TTLL11: variants seen among roughly 807,000 people sequenced by gnomAD.
The protein encoded by TTLL11 is tubulin polyglutamylase TTLL11.
TTLL11 carries 42 observed loss-of-function variants against 51.7 expected under a neutral mutation model. The observed-to-expected ratio is 0.81, with a 90% CI of 0.64 to 1.05. The LOEUF (loss-of-function observed/expected upper bound fraction) is 1.05, where lower values mean the gene tolerates loss of function less well. TTLL11 is among the 50% of genes least tolerant of loss of function. The probability of loss-of-function intolerance (pLI) is 0.00; values close to 1 mark genes in which losing one functional copy is unlikely to be tolerated. For synonymous variants in TTLL11, 381 were observed against 383.5 expected, an observed-to-expected ratio of 0.99 and a Z score of 0.08; for missense variants, 799 against 940.4, an observed-to-expected ratio of 0.85 and a Z score of 1.97.
At chr9:121,839,029 C>T (rs1837275243) in intron 8 of TTLL11, among the ~76,000 whole-genome samples, 1 of 152,232 alleles carries the variant, frequency 6.6e-6, no homozygotes, top group Non-Finnish European at 1.5e-5. Flanking sequence ...GGGCCGGTCC[C>T]TGGCCTCTGC....
At chr9:122,051,302 G>A (rs1048782888) in intron 1 of TTLL11, among the ~76,000 whole-genome samples, 1 of 152,180 alleles carries the variant, frequency 6.6e-6, no homozygotes, top group Non-Finnish European at 1.5e-5. Flanking sequence ...ATTCGACTAA[G>A]GGGGATGGAT....
At chr9:121,965,147 T>C (rs1158867819) in intron 6 of TTLL11, among the ~76,000 whole-genome samples, 12 of 152,348 alleles carry the variant, frequency 7.9e-5, no homozygotes, top group Non-Finnish European at 2.9e-5. Context: ...ATGTAAAATC[T>C]TCAAAGGTGC....
intron 6 of TTLL11, among the ~76,000 whole-genome samples, chr9:121,938,886 C>G (rs10985458): frequency 0.29 from 44,572 of 152,114 alleles, 6,944 homozygotes; most frequent in African/African-American, 0.4. Flanking sequence ...GGAGTAATTT[C>G]TCAGTATCCA....
intron 8 of TTLL11, among the ~76,000 whole-genome samples, chr9:121,841,381 T>A (rs985193920): frequency 6.6e-6 from 1 of 152,074 alleles, no homozygotes; most frequent in Non-Finnish European, 1.5e-5. Context: ...CCCATGAGAT[T>A]TTGGAAGGGA....
intron 8 of TTLL11, among the ~76,000 whole-genome samples, chr9:121,856,680 C>G (rs113678268): frequency 2.0e-5 from 3 of 152,132 alleles, no homozygotes; most frequent in Non-Finnish European, 4.4e-5. Flanking sequence ...GTTCTTTGAG[C>G]GTGAGAACCC....
chr9:121,856,390 C>T lies in TTLL11; in HGVS notation c.1840+3947G>A, dbSNP rs150501713. On this transcript the variant is annotated intron_variant, in intron 8 of 8. Coordinates refer to ENST00000321582, the MANE Select transcript of TTLL11 (RefSeq NM_001139442.2). ...TACTGGCCCCCACTGTAATACTTGA[C>T]GTGTCTGTGTAATTTCACCTCTTTG... Among the ~76,000 whole-genome samples the T allele has an allele frequency of 1.1e-3, 170 of 152,254 alleles. 1 individual carries two copies. Among genetic ancestry groups the T allele is most frequent in the African/African-American group, 3.6e-3 (151 of 41,538 alleles).
intron 6 of TTLL11, among the ~76,000 whole-genome samples, chr9:121,871,494 G>T (rs1004883014): frequency 6.6e-6 from 1 of 152,086 alleles, no homozygotes; most frequent in Non-Finnish European, 1.5e-5. Flanking sequence ...CTCCTCCTCA[G>T]CTAGTTCTGC....
At chr9:121,899,365 G>GTGTGTGTATA (rs1226221957) in intron 6 of TTLL11, among the ~76,000 whole-genome samples, 1 of 113,238 alleles carries the variant, frequency 8.8e-6, no homozygotes, top group African/African-American at 3.3e-5. Flanking sequence ...ATGTGTGTGT[G>GTGTGTGTATA]TATATATATA....
intron 3 of TTLL11, among the ~76,000 whole-genome samples, chr9:121,993,787 T>C (rs1843177477): frequency 6.6e-6 from 1 of 152,184 alleles, no homozygotes; most frequent in South Asian, 2.1e-4. Context: ...TTATTAGCAA[T>C]GAGGGGCAGG....
chr9:121,834,911 AGC>A (rs1837141853), intron 8 of TTLL11, among the ~76,000 whole-genome samples: 1 of 151,588 alleles, frequency 6.6e-6, no homozygotes, highest in Admixed American at 6.6e-5. Context: ...ACTGGCCTGG[AGC>A]GCTATCACAA....
intron 3 of TTLL11, among the ~76,000 whole-genome samples, chr9:121,993,503 C>G: frequency 6.6e-6 from 1 of 152,202 alleles, no homozygotes; most frequent in Non-Finnish European, 1.5e-5. Flanking sequence ...AGACTAAGGT[C>G]CCTGGCTTCC....
intron 3 of TTLL11, among the ~76,000 whole-genome samples, chr9:122,015,807 CAAAA>C (rs11297849): frequency 7.4e-5 from 7 of 94,504 alleles, no homozygotes; most frequent in Non-Finnish European, 1.6e-4. Context: ...TCAAAAGAGA[CAAAA>C]AAAAAAAAAA....
chr9:121,882,392 C>T (rs1051030293), intron 6 of TTLL11, among the ~76,000 whole-genome samples: 1 of 152,182 alleles, frequency 6.6e-6, no homozygotes, highest in African/African-American at 2.4e-5. Flanking sequence ...TGCCCACATA[C>T]TGTTCTCTCA....
intron 6 of TTLL11, among the ~76,000 whole-genome samples, chr9:121,876,126 A>G (rs1838554171): frequency 6.6e-6 from 1 of 152,210 alleles, no homozygotes; most frequent in South Asian, 2.1e-4. Flanking sequence ...AGCTCACCCA[A>G]TCAGTAGTGA....
rs1837713810 is a variant in TTLL11 at position 121,853,126 on chromosome 9, C to T, written c.1840+7211G>A. Among the ~76,000 whole-genome samples, 1 of 152,202 alleles carries T rather than the reference C, an allele frequency of 6.6e-6. No individual in the cohort carries two copies. Among genetic ancestry groups the T allele is most frequent in the Non-Finnish European group, 1.5e-5 (1 of 68,044 alleles). On this transcript the variant is annotated intron_variant, in intron 8 of 8. Coordinates refer to ENST00000321582, the MANE Select transcript of TTLL11 (RefSeq NM_001139442.2). This position sits in a 1 kb window ranked among gnomAD's most constrained non-coding sequence, Gnocchi z 5.6. ...CGCAGTCGGTGACTGAGGGATTTTG[C>T]TGAGAGATGGTCATGAGGCTCAGAC...
chr9:121,826,549 A>G (rs1450651227), intron 8 of TTLL11, among the ~76,000 whole-genome samples: 2,490 of 29,946 alleles, frequency 0.083, 208 homozygotes, highest in African/African-American at 0.18. Flanking sequence ...ATATATATAT[A>G]TGTGTGTGTA....
chr9:121,846,484 C>A (rs1837517677), intron 8 of TTLL11, among the ~76,000 whole-genome samples: 1 of 152,148 alleles, frequency 6.6e-6, no homozygotes, highest in African/African-American at 2.4e-5. Context: ...AATATACATT[C>A]TTCCCAGTTC....
rs942715232 is a variant in TTLL11 at position 122,092,979 on chromosome 9, T to C, written c.170A>G (p.Glu57Gly). ...AAGEPECKAGEEQPKVLAPAP... is the reference protein window; with the variant it reads ...AAGEPECKAGGEQPKVLAPAP... ...CGGGGCCAGGACCTTGGGCTGCTCC[T>C]CCCCTGCCTTGCACTCCGGTTCCCC... The change falls in exon 1 of 9, where the codon GAG (glutamate) becomes GGG (glycine). Residue 57 changes from glutamate (E) to glycine (G), a missense_variant. Glu to Gly is a moderately conservative substitution (Grantham distance 98). Transcript: ENST00000321582. 1.3e-6 allele frequency: 2 copies of C among 1,567,010 alleles called. No homozygotes were observed. Among genetic ancestry groups the C allele is most frequent in the Non-Finnish European group, 1.7e-6 (2 of 1,165,666 alleles).
At chr9:121,875,319 G>A (rs1235004258) in intron 6 of TTLL11, among the ~76,000 whole-genome samples, 4 of 152,176 alleles carry the variant, frequency 2.6e-5, no homozygotes, top group Non-Finnish European at 5.9e-5. Context: ...AAAGGTGTTC[G>A]CAATGGTAAC....
Sources: gnomAD v4.1 joint callset for allele counts (sites outside exome capture counted in the v4.1 genomes callset) on GRCh38, gnomAD v4.1.1 for gene constraint, Gnocchi (gnomAD v3.1) non-coding constraint, MANE v1.5 for transcripts, NCBI Gene and HGNC (gene_info 2026-07-23, HGNC 2026-07-21) for gene names.